Variants in PACC1 observed in about 807,000 individuals in gnomAD.
PACC1 encodes proton activated chloride channel 1.
Under a neutral mutation model 39.7 loss-of-function variants are expected in PACC1, and 34 were observed. The observed-to-expected ratio is 0.86, with a 90% CI of 0.65 to 1.14. The LOEUF (loss-of-function observed/expected upper bound fraction) is 1.14, where lower values mean the gene tolerates loss of function less well. Among genes scored for constraint, PACC1 ranks in the 50% most tolerant of loss-of-function variants. The pLI, the probability that PACC1 is intolerant of heterozygous loss-of-function variation, is 0.00. For missense variants in PACC1, 379 were observed against 436.4 expected (o/e 0.87, Z 1.17); for synonymous variants, 127 against 160.6 (o/e 0.79, Z 1.58).
intron 2 of PACC1, among the ~76,000 whole-genome samples, chr1:212,408,015 A>G (rs1377500246): frequency 6.6e-6 from 1 of 151,442 alleles, no homozygotes; most frequent in African/African-American, 2.4e-5. Flanking sequence ...CAGAGGTTGC[A>G]ATGAGCCGAG....
chr1:212,365,423 T>G, intron 7 of PACC1, 47 bp from the exon 8 acceptor site: 5 of 1,487,570 alleles, frequency 3.4e-6, no homozygotes, highest in Non-Finnish European at 3.6e-6. Flanking sequence ...TGCTTCAGTC[T>G]TGATTCTTTT....
At position 212,377,688 on chromosome 1, in the gene PACC1, G is replaced by A; in HGVS notation, c.657C>T (p.Phe219=). The A allele has an allele frequency of 6.2e-7, 1 of 1,614,160 alleles. No homozygotes were observed. Among genetic ancestry groups the A allele is most frequent in the Non-Finnish European group, 8.5e-7 (1 of 1,180,016 alleles). Residue 219 remains phenylalanine (F), a synonymous_variant, in exon 6 of 8, where the codon TTC becomes TTT. Coordinates refer to ENST00000261455, the MANE Select transcript of PACC1 (RefSeq NM_018252.3). The part of the protein sequence containing the change: ...EFLQSPNRVG[F]MQACESAYSS... ...AATAGGCACTCTCACAGGCCTGCAT[G>A]AAGCCTACCCTGTTTGGGCTTGGAG...
Position 212,378,578 on chromosome 1 carries a change from C to T in PACC1, c.639-872G>A, listed in dbSNP as rs112704682. On this transcript the variant is annotated intron_variant, in intron 5 of 7. Transcript: ENST00000261455. The stretch of plus-strand genomic sequence containing the variant: ...AGCAGGACCTGGTAGGAACTGAGTC[C>T]CTCTCAACTCAGGCACATGAAGAAA... 1.8e-3 allele frequency among the ~76,000 whole-genome samples: 274 copies of T among 152,270 alleles called. 3 individuals carry two copies. The highest frequency in any genetic ancestry group is 6.3e-3 in the African/African-American group (263 of 41,554).
Position 212,387,106 on chromosome 1 carries a change from A to T in PACC1, c.134-6T>A. On this transcript the variant is annotated splice_region_variant and splice_polypyrimidine_tract_variant and intron_variant, in intron 2 of 7. Coordinates refer to ENST00000261455, the MANE Select transcript of PACC1 (RefSeq NM_018252.3). Reference sequence around the variant, plus strand: ...GGCGGACTCGCTGTCCAGGCCTGACAACAACAAAACACCATGTGACCCAGG... The same window carrying T: ...GGCGGACTCGCTGTCCAGGCCTGACTACAACAAAACACCATGTGACCCAGG... 6.2e-7 allele frequency: 1 copy of T among 1,613,362 alleles called. No individual in the cohort carries two copies. The highest frequency in any genetic ancestry group is 8.5e-7 in the Non-Finnish European group (1 of 1,179,978).
chr1:212,412,485 G>A (rs1662170650), intron 1 of PACC1, among the ~76,000 whole-genome samples: 1 of 152,092 alleles, frequency 6.6e-6, no homozygotes, highest in African/African-American at 2.4e-5. Flanking sequence ...CTCAGAGCTA[G>A]GTACACTCAC....
At chr1:212,379,757 C>G (rs988267181) in intron 5 of PACC1, 138 bp downstream of exon 5, 5 of 1,071,738 alleles carry the variant, frequency 4.7e-6, no homozygotes, top group Non-Finnish European at 6.8e-6. Flanking sequence ...CATGAGGTCC[C>G]TTCCTGGGCC....
rs749547014 is a variant in PACC1, at chr1:212,386,129, C to G, written c.344-704G>C. Among the ~76,000 whole-genome samples the G allele has an allele frequency of 4.6e-5, 7 of 152,140 alleles. No individual in the cohort carries two copies. Among genetic ancestry groups the G allele is most frequent in the Non-Finnish European group, 1.0e-4 (7 of 68,016 alleles). On this transcript the variant is annotated intron_variant, in intron 3 of 7. Transcript: ENST00000261455. The surrounding 1 kb of genome is among the most constrained non-coding windows in gnomAD (Gnocchi z 5.0). The stretch of plus-strand genomic sequence containing the variant: ...GACTCTGCTGGAGGCTGGCAGGAAG[C>G]CCCAGAGAGAGGGCACCCGGACTCT...
intron 2 of PACC1, among the ~76,000 whole-genome samples, chr1:212,407,967 G>A (rs756499290): frequency 2.6e-5 from 4 of 151,932 alleles, no homozygotes; most frequent in Non-Finnish European, 5.9e-5. Context: ...CCAGCTACTT[G>A]GGAGGCTGAG....
chr1:212,389,076 T>C lies in PACC1; in HGVS notation c.134-1976A>G, dbSNP rs550320557. ...GAGAATGATCAAAAGCAGGTAGAAA[T>C]TGAAAGAGAGGCTACCCTTGAAAGA... On this transcript the variant is annotated intron_variant, in intron 2 of 7. Coordinates refer to ENST00000261455, the MANE Select transcript of PACC1 (RefSeq NM_018252.3). Among the ~76,000 whole-genome samples, 83 of 152,294 alleles carry C rather than the reference T, an allele frequency of 5.4e-4. 1 individual carries two copies. In the South Asian group the frequency reaches 0.016, roughly 30 times the overall value.
chr1:212,369,332 G>A (rs914369449), intron 7 of PACC1, among the ~76,000 whole-genome samples: 2 of 152,068 alleles, frequency 1.3e-5, no homozygotes, highest in South Asian at 4.1e-4. Context: ...AACAAAAAAC[G>A]AAATAGCCGT....
At chr1:212,369,132 T>C (rs1660353004) in intron 7 of PACC1, among the ~76,000 whole-genome samples, 1 of 152,194 alleles carries the variant, frequency 6.6e-6, no homozygotes, top group Non-Finnish European at 1.5e-5. Context: ...TTTTGTTTCT[T>C]TGTGATCAAA....
At chr1:212,392,762 C>CA (rs1414198210) in intron 2 of PACC1, among the ~76,000 whole-genome samples, 3 of 150,642 alleles carry the variant, frequency 2.0e-5, no homozygotes, top group East Asian at 1.9e-4. Context: ...AAATGGAAAA[C>CA]AAAAAAAGGC....
At chr1:212,389,752 A>T (rs975105860) in intron 2 of PACC1, among the ~76,000 whole-genome samples, 9 of 152,222 alleles carry the variant, frequency 5.9e-5, no homozygotes, top group African/African-American at 2.2e-4. Flanking sequence ...ATGAAAAAGC[A>T]TTGTGGAGAT....
At chr1:212,382,948 C>A (rs1660959985) in intron 4 of PACC1, among the ~76,000 whole-genome samples, 1 of 152,246 alleles carries the variant, frequency 6.6e-6, no homozygotes, top group Admixed American at 6.5e-5. Flanking sequence ...ACCGGTCCCA[C>A]CCTGCAGGGT....
At chr1:212,388,168 G>A (rs1379108005) in intron 2 of PACC1, among the ~76,000 whole-genome samples, 1 of 151,844 alleles carries the variant, frequency 6.6e-6, no homozygotes, top group Non-Finnish European at 1.5e-5. Context: ...AGCCCTGTAC[G>A]TCCCCTACTT....
At position 212,396,599 on chromosome 1, in the gene PACC1, C is replaced by A. The variant is rs114406958; in HGVS notation, c.134-9499G>T. 7.1e-3 allele frequency among the ~76,000 whole-genome samples: 1,008 copies of A among 141,648 alleles called. 13 individuals carry two copies. The highest frequency in any genetic ancestry group is 0.025 in the African/African-American group (960 of 38,436). The allele number at this position is 141,648 out of a possible 152,430, so 92.9% of individuals were successfully genotyped here. A position where few individuals can be genotyped will look rare whatever the true frequency, so the allele number is the denominator to read the frequency against. On this transcript the variant is annotated intron_variant, in intron 2 of 7. Coordinates refer to ENST00000261455, the MANE Select transcript of PACC1 (RefSeq NM_018252.3). ...AAAGTATAATAAAAATATACATATACATATTGAAAAAAAAGAAATCTGAAA... is the reference window on the plus strand; with the variant it reads ...AAAGTATAATAAAAATATACATATAAATATTGAAAAAAAAGAAATCTGAAA...
chr1:212,369,741 A>G (rs887005237), intron 7 of PACC1, among the ~76,000 whole-genome samples: 3 of 150,556 alleles, frequency 2.0e-5, no homozygotes, highest in African/African-American at 7.3e-5. Context: ...AGATCATGCC[A>G]CTGCACTCCA....
At chr1:212,391,271 T>C (rs1661309613) in intron 2 of PACC1, among the ~76,000 whole-genome samples, 1 of 152,162 alleles carries the variant, frequency 6.6e-6, no homozygotes, top group South Asian at 2.1e-4. Context: ...GACAGCAACA[T>C]TGGCTGTTCA....
chr1:212,409,514 G>A (rs1247804993), intron 2 of PACC1, among the ~76,000 whole-genome samples: 1 of 152,150 alleles, frequency 6.6e-6, no homozygotes, highest in Non-Finnish European at 1.5e-5. Context: ...CAGAGAAAAA[G>A]GGGATGAGAG....
Sources: allele counts gnomAD v4.1 joint callset (sites outside exome capture counted in the v4.1 genomes callset), GRCh38; gene constraint gnomAD v4.1.1; non-coding constraint Gnocchi (gnomAD v3.1); transcripts MANE v1.5; gene names NCBI Gene and HGNC (gene_info 2026-07-23, HGNC 2026-07-21).